Variants in PTGES observed in about 807,000 individuals in gnomAD.
PTGES encodes the protein prostaglandin E synthase.
Under a neutral mutation model 11.8 loss-of-function variants are expected in PTGES, and 3 were observed. The observed-to-expected ratio is 0.25, with a 90% CI of 0.12 to 0.66. The LOEUF is 0.66. PTGES is among the 30% of genes least tolerant of loss of function. The probability of loss-of-function intolerance (pLI) is 0.82; values close to 1 mark genes in which losing one functional copy is unlikely to be tolerated. For missense variants in PTGES, 180 were observed against 213.0 expected (o/e 0.85, Z 0.96); for synonymous variants, 94 against 90.4 (o/e 1.04, Z -0.22).
intron 1 of PTGES, among the ~76,000 whole-genome samples, chr9:129,751,160 T>C (rs1588189022): frequency 6.6e-6 from 1 of 151,398 alleles, no homozygotes; most frequent in East Asian, 2.0e-4. Flanking sequence ...AAGCCATCTC[T>C]ACCAAAAACA....
chr9:129,747,695 C>G (rs761838397), intron 2 of PTGES, among the ~76,000 whole-genome samples: 6 of 152,102 alleles, frequency 3.9e-5, no homozygotes, highest in Non-Finnish European at 7.4e-5. Flanking sequence ...TTTACTCACA[C>G]ATACCCATAA....
At chr9:129,748,059 A>G (rs924089003) in intron 2 of PTGES, among the ~76,000 whole-genome samples, 11 of 149,902 alleles carry the variant, frequency 7.3e-5, no homozygotes, top group Non-Finnish European at 3.0e-5. Context: ...CCTTCTGTTC[A>G]TAACACAGAA....
chr9:129,741,303 C>T (rs777707398), intron 2 of PTGES, among the ~76,000 whole-genome samples: 10 of 152,108 alleles, frequency 6.6e-5, no homozygotes, highest in Non-Finnish European at 1.3e-4. Flanking sequence ...GTGCGGTGCA[C>T]AAGAGGGAGT....
chr9:129,748,758 G>A (rs370802119), intron 1 of PTGES, 21 bp from the exon 2 acceptor site: 2 of 1,572,270 alleles, frequency 1.3e-6, no homozygotes, highest in African/African-American at 2.7e-5. Context: ...CCAGTTGAGA[G>A]TCACTCCTCG....
chr9:129,748,215 T>TAA (rs67000610), intron 2 of PTGES, among the ~76,000 whole-genome samples: 176 of 70,982 alleles, frequency 2.5e-3, no homozygotes, highest in African/African-American at 7.4e-3. Context: ...GTTGCCATAT[T>TAA]AAAAAAAAAA....
chr9:129,750,729 G>A (rs953877486), intron 1 of PTGES, among the ~76,000 whole-genome samples: 5 of 152,186 alleles, frequency 3.3e-5, no homozygotes, highest in Non-Finnish European at 7.3e-5. Context: ...CATTGGTGGG[G>A]CGTTGCATTC....
intron 2 of PTGES, among the ~76,000 whole-genome samples, chr9:129,743,951 T>A (rs879897462): frequency 2.7e-4 from 41 of 152,184 alleles, no homozygotes; most frequent in Admixed American, 1.6e-3. Context: ...TGGGTTCAAG[T>A]GATTTTCGTG....
At chr9:129,740,661 A>C (rs896463004) in intron 2 of PTGES, among the ~76,000 whole-genome samples, 10 of 152,198 alleles carry the variant, frequency 6.6e-5, no homozygotes, top group African/African-American at 1.9e-4. Context: ...AATGACCAAG[A>C]AAGAAAACTC....
intron 2 of PTGES, among the ~76,000 whole-genome samples, chr9:129,747,184 A>G (rs1404983690): frequency 1.3e-5 from 2 of 152,238 alleles, no homozygotes; most frequent in African/African-American, 4.8e-5. Context: ...ATGAGCCACC[A>G]CATCTGGTCA....
At chr9:129,751,450 G>A (rs547641237) in intron 1 of PTGES, among the ~76,000 whole-genome samples, 51 of 152,084 alleles carry the variant, frequency 3.4e-4, no homozygotes, top group Non-Finnish European at 5.7e-4. Flanking sequence ...AGGCTGAGGC[G>A]GGTGGATCAC....
At chr9:129,748,215 T>TAAAAAAAAA (rs67000610) in intron 2 of PTGES, among the ~76,000 whole-genome samples, 1 of 71,028 alleles carries the variant, frequency 1.4e-5, no homozygotes, top group Non-Finnish European at 2.7e-5. Flanking sequence ...GTTGCCATAT[T>TAAAAAAAAA]AAAAAAAAAA....
chr9:129,749,053 C>T (rs974508084), intron 1 of PTGES, among the ~76,000 whole-genome samples: 5 of 152,182 alleles, frequency 3.3e-5, no homozygotes, highest in South Asian at 2.1e-4. Flanking sequence ...GGACCTGACC[C>T]AGTCTGAGGC....
chr9:129,742,773 G>A (rs1833010328), intron 2 of PTGES, among the ~76,000 whole-genome samples: 1 of 151,978 alleles, frequency 6.6e-6, no homozygotes, highest in African/African-American at 2.4e-5. Flanking sequence ...TCGGGAGGCT[G>A]AGGCAGGGGA....
At chr9:129,750,294 A>G (rs1284500845) in intron 1 of PTGES, among the ~76,000 whole-genome samples, 1 of 152,162 alleles carries the variant, frequency 6.6e-6, no homozygotes, top group African/African-American at 2.4e-5. Flanking sequence ...CTGTCCCCCA[A>G]GGGCTGGTTT....
At position 129,748,756 on chromosome 9, in the gene PTGES, G is replaced by A; in HGVS notation, c.127-19C>T. 6.3e-7 allele frequency: 1 copy of A among 1,578,888 alleles called. No homozygotes were observed. The highest frequency in any genetic ancestry group is 1.7e-4 in the Middle Eastern group (1 of 5,994). On this transcript the variant is annotated intron_variant, in intron 1 of 2. Transcript: ENST00000340607. ...CAAAGGCCTGAAATATACCAGTTGA[G>A]AGTCACTCCTCGTGAGACAAACGGC... is the stretch of plus-strand genomic sequence containing the variant.
rs1041237413 is a variant in PTGES at position 129,745,454 on chromosome 9, G to C, written c.209+3201C>G. Reference sequence around the variant, plus strand: ...AATATTTAACCAACTTTTGCTTCCAGGTGGTCTCCCCCTTCGGGTTCCAGC... The same window carrying C: ...AATATTTAACCAACTTTTGCTTCCACGTGGTCTCCCCCTTCGGGTTCCAGC... On this transcript the variant is annotated intron_variant, in intron 2 of 2. Coordinates refer to ENST00000340607, the MANE Select transcript of PTGES (RefSeq NM_004878.5). This position sits in a 1 kb window ranked among gnomAD's most constrained non-coding sequence, Gnocchi z 4.2. Among the ~76,000 whole-genome samples the C allele has an allele frequency of 1.3e-5, 2 of 152,210 alleles. No homozygotes were observed. The highest frequency in any genetic ancestry group is 4.8e-5 in the African/African-American group (2 of 41,452).
chr9:129,747,210 G>C (rs1160250222), intron 2 of PTGES, among the ~76,000 whole-genome samples: 1 of 152,168 alleles, frequency 6.6e-6, no homozygotes, highest in African/African-American at 2.4e-5. Flanking sequence ...AATTTTTTTA[G>C]TAACATTTAC....
At chr9:129,748,215 T>TAAAAA (rs67000610) in intron 2 of PTGES, among the ~76,000 whole-genome samples, 17 of 70,954 alleles carry the variant, frequency 2.4e-4, no homozygotes, top group East Asian at 3.8e-4. Context: ...GTTGCCATAT[T>TAAAAA]AAAAAAAAAA....
rs1446705733 is a variant in PTGES at position 129,743,414 on chromosome 9, C to T, written c.210-3554G>A. Among the ~76,000 whole-genome samples the T allele has an allele frequency of 2.0e-5, 3 of 152,200 alleles. No homozygotes were observed. The East Asian group carries it at 5.8e-4, about 29-fold the overall frequency. Reference sequence around the variant, plus strand: ...TGAAATGCATCATTCAAATAATAACCATTTTTTTAAGGTAAAAGCCACCCA... The same window carrying T: ...TGAAATGCATCATTCAAATAATAACTATTTTTTTAAGGTAAAAGCCACCCA... On this transcript the variant is annotated intron_variant, in intron 2 of 2. Transcript: ENST00000340607.
Sources: gnomAD v4.1 joint callset for allele counts (sites outside exome capture counted in the v4.1 genomes callset) on GRCh38, gnomAD v4.1.1 for gene constraint, Gnocchi (gnomAD v3.1) non-coding constraint, MANE v1.5 for transcripts, NCBI Gene and HGNC (gene_info 2026-07-23, HGNC 2026-07-21) for gene names.